Variants in NBEA observed in about 807,000 individuals in gnomAD.
NBEA encodes the protein lysosomal-trafficking regulator 2.
Under a neutral mutation model 343.4 loss-of-function variants are expected in NBEA, and 44 were observed. The ratio of observed to expected loss-of-function variants is 0.13; its 90% CI spans 0.10 to 0.16. NBEA has a LOEUF of 0.16. NBEA is among the 10% of genes least tolerant of loss of function. The probability of loss-of-function intolerance (pLI) is 1.00; values close to 1 mark genes in which losing one functional copy is unlikely to be tolerated. For missense variants in NBEA, 2,555 were observed against 3,631.3 expected (o/e 0.70, Z 7.62); for synonymous variants, 1,175 against 1,238.7 (o/e 0.95, Z 1.08).
chr13:35,474,388 G>T (rs1363558312), intron 41 of NBEA: 2 of 152,522 alleles, frequency 1.3e-5, no homozygotes, highest in African/African-American at 4.8e-5. Context: ...AACATTTCAA[G>T]TATATTTATG....
intron 1 of NBEA, among the ~76,000 whole-genome samples, chr13:35,027,796 A>C (rs1205622784): frequency 6.6e-6 from 1 of 151,900 alleles, no homozygotes; most frequent in African/African-American, 2.4e-5. Flanking sequence ...TATCTTCTAA[A>C]AGTTTTATAT....
chr13:35,555,994 C>A (rs73171564), intron 44 of NBEA, among the ~76,000 whole-genome samples: 1 of 151,630 alleles, frequency 6.6e-6, no homozygotes, highest in South Asian at 2.1e-4. Flanking sequence ...ATATTAAATG[C>A]GGGTAATATA....
At chr13:35,147,710 C>T (rs1337632079) in intron 18 of NBEA, among the ~76,000 whole-genome samples, 1 of 152,032 alleles carries the variant, frequency 6.6e-6, no homozygotes, top group Non-Finnish European at 1.5e-5. Context: ...TTCCTAATTC[C>T]AACTAATTAG....
chr13:35,053,262 G>A (rs1212486255), intron 6 of NBEA, among the ~76,000 whole-genome samples: 4 of 152,014 alleles, frequency 2.6e-5, no homozygotes, highest in African/African-American at 7.2e-5. Flanking sequence ...TTACAATCTG[G>A]TCTTTGCCTG....
chr13:35,315,188 C>T (rs2037634899), intron 36 of NBEA, among the ~76,000 whole-genome samples: 2 of 152,106 alleles, frequency 1.3e-5, no homozygotes, highest in Admixed American at 1.3e-4. Flanking sequence ...AGATAAAAAT[C>T]TTTAAGTAGA....
intron 1 of NBEA, among the ~76,000 whole-genome samples, chr13:34,995,200 C>T (rs2152519854): frequency 6.6e-6 from 1 of 152,268 alleles, no homozygotes; most frequent in South Asian, 2.1e-4. Flanking sequence ...TGCCTGTAAT[C>T]CCAGCACTTT....
chr13:35,481,957 A>T (rs999122004), intron 41 of NBEA, among the ~76,000 whole-genome samples: 7 of 151,872 alleles, frequency 4.6e-5, no homozygotes, highest in African/African-American at 1.7e-4. Flanking sequence ...GTACTAGGTC[A>T]TCCAGGACTG....
chr13:35,648,166 T>G (rs2084333083), intron 51 of NBEA, among the ~76,000 whole-genome samples: 1 of 149,374 alleles, frequency 6.7e-6, no homozygotes, highest in African/African-American at 2.5e-5. Flanking sequence ...GCCTGCCTGG[T>G]GTGTGTTTAA....
chr13:35,463,000 T>G (rs977203610), intron 40 of NBEA, among the ~76,000 whole-genome samples: 7 of 152,070 alleles, frequency 4.6e-5, no homozygotes, highest in African/African-American at 1.4e-4. Flanking sequence ...AGTTTGAAAT[T>G]TGAGAGCCAA....
intron 54 of NBEA, 29 bp downstream of exon 54, chr13:35,655,039 T>G (rs2084747253): frequency 1.4e-6 from 2 of 1,437,988 alleles, no homozygotes; most frequent in Non-Finnish European, 1.8e-6. Context: ...CACCATATTC[T>G]CTTCAAAATG....
intron 34 of NBEA, among the ~76,000 whole-genome samples, chr13:35,237,457 CTTCT>C (rs1253874913): frequency 6.6e-6 from 1 of 152,146 alleles, no homozygotes; most frequent in Non-Finnish European, 1.5e-5. Flanking sequence ...CTTCGCTCTC[CTTCT>C]GTTTCCCTTC....
chr13:35,559,038 T>C (rs1310268851), intron 44 of NBEA, among the ~76,000 whole-genome samples: 1 of 152,236 alleles, frequency 6.6e-6, no homozygotes, highest in African/African-American at 2.4e-5. Context: ...GTACTCTCCC[T>C]GGATATATTC....
chr13:35,122,271 G>A lies in NBEA; in HGVS notation c.2244-1211G>A, dbSNP rs1046158561. Among the ~76,000 whole-genome samples, 47 of 152,082 alleles carry A rather than the reference G, an allele frequency of 3.1e-4. 1 individual carries two copies. Among genetic ancestry groups the A allele is most frequent in the African/African-American group, 1.0e-3 (42 of 41,472 alleles). On this transcript the variant is annotated intron_variant, in intron 16 of 58. Coordinates refer to ENST00000379939, the MANE Select transcript of NBEA (RefSeq NM_001385012.1). ...TGCTGCTGTAAAGACACATGCACAC[G>A]TATGTTTATTGTGGCACTATTCACA...
intron 41 of NBEA, among the ~76,000 whole-genome samples, chr13:35,502,515 T>C (rs146777046): frequency 2.0e-4 from 30 of 152,120 alleles, no homozygotes; most frequent in African/African-American, 7.0e-4. Flanking sequence ...TTTTTTCTTT[T>C]CTTTCTTCCA....
chr13:35,568,556 A>T (rs74044734), intron 45 of NBEA, among the ~76,000 whole-genome samples: 2 of 152,158 alleles, frequency 1.3e-5, no homozygotes, highest in Non-Finnish European at 2.9e-5. Context: ...AAATAATAAG[A>T]TCAGTCCCCC....
chr13:35,249,203 A>G (rs2152785941), intron 34 of NBEA, among the ~76,000 whole-genome samples: 1 of 151,134 alleles, frequency 6.6e-6, no homozygotes, highest in Admixed American at 6.6e-5. Flanking sequence ...TTGGATTTGG[A>G]TTTGGCAATG....
intron 1 of NBEA, among the ~76,000 whole-genome samples, chr13:35,017,080 ATTTCT>A (rs1445883848): frequency 6.6e-6 from 1 of 152,122 alleles, no homozygotes; most frequent in Non-Finnish European, 1.5e-5. Context: ...GAGTGACATA[ATTTCT>A]TTTATGTTCT....
rs1172303326 is a variant in NBEA at position 35,593,870 on chromosome 13, C to T, written c.7296+423C>T. Among the ~76,000 whole-genome samples the T allele has an allele frequency of 3.9e-5, 6 of 152,050 alleles. No individual in the cohort carries two copies. The East Asian group carries it at 1.2e-3, about 29-fold the overall frequency. On this transcript the variant is annotated intron_variant, in intron 47 of 58. Coordinates refer to ENST00000379939, the MANE Select transcript of NBEA (RefSeq NM_001385012.1). ...ATTAATAAAGCATTAATGACAAGAC[C>T]CATTTAAAATGTAGGCTTTTCCGTA...
At chr13:35,222,216 A>G (rs1208536879) in intron 33 of NBEA, among the ~76,000 whole-genome samples, 1 of 151,952 alleles carries the variant, frequency 6.6e-6, no homozygotes, top group East Asian at 1.9e-4. Flanking sequence ...AAAATGTGTA[A>G]CTTTTTGGTA....
Sources: allele counts gnomAD v4.1 joint callset (sites outside exome capture counted in the v4.1 genomes callset), GRCh38; gene constraint gnomAD v4.1.1; transcripts MANE v1.5; gene names NCBI Gene and HGNC (gene_info 2026-07-23, HGNC 2026-07-21).